Variants in ANXA6 observed in about 807,000 individuals in gnomAD.
ANXA6 encodes annexin A6.
Under a neutral mutation model 95.4 loss-of-function variants are expected in ANXA6, and 71 were observed. The ratio of observed to expected loss-of-function variants is 0.74; its 90% CI spans 0.61 to 0.91. ANXA6 has a LOEUF of 0.91. Among genes scored for constraint, ANXA6 ranks in the 40% least tolerant of loss-of-function variants. The pLI is 0.00. For synonymous variants in ANXA6, 289 were observed against 315.9 expected (o/e 0.91, Z 0.90); for missense variants, 830 against 876.4 (o/e 0.95, Z 0.67).
At chr5:151,116,686 G>A (rs569888189) in intron 20 of ANXA6, among the ~76,000 whole-genome samples, 140 of 152,336 alleles carry the variant, frequency 9.2e-4, no homozygotes, top group Non-Finnish European at 1.7e-3. Flanking sequence ...GCTCGTCCCA[G>A]GACACTCCCT....
chr5:151,104,685 G>A (rs1764646502), intron 24 of ANXA6, among the ~76,000 whole-genome samples: 1 of 152,190 alleles, frequency 6.6e-6, no homozygotes, highest in Admixed American at 6.5e-5. Flanking sequence ...ATCTGCAGTT[G>A]AGACTCCAGT....
chr5:151,133,496 C>T (rs1047563819), intron 8 of ANXA6, among the ~76,000 whole-genome samples: 5 of 152,128 alleles, frequency 3.3e-5, no homozygotes, highest in Non-Finnish European at 7.4e-5. Flanking sequence ...ACCTGTTCAG[C>T]GTGTTATCTT....
At chr5:151,151,727 C>T (rs1172794375) in intron 1 of ANXA6, among the ~76,000 whole-genome samples, 2 of 152,200 alleles carry the variant, frequency 1.3e-5, no homozygotes, top group Admixed American at 1.3e-4. Flanking sequence ...GGAGGGTCAT[C>T]TCCCAGGCCA....
rs368475499 is a variant in ANXA6, at chr5:151,132,241, C to T, written c.736+235G>A. 5.7e-4 allele frequency among the ~76,000 whole-genome samples: 87 copies of T among 152,328 alleles called. 1 individual carries two copies. The highest frequency in any genetic ancestry group is 1.9e-3 in the African/African-American group (81 of 41,576). ...CCCAAGTTCAGAGCTCTTTGTCCCC[C>T]TGCCAGTGGTGGAGAAGGGAGCTGG... On this transcript the variant is annotated intron_variant, in intron 10 of 25. Coordinates refer to ENST00000354546, the MANE Select transcript of ANXA6 (RefSeq NM_001155.5).
At chr5:151,116,119 G>A (rs149311782) in intron 20 of ANXA6, among the ~76,000 whole-genome samples, 2 of 152,328 alleles carry the variant, frequency 1.3e-5, no homozygotes, top group East Asian at 3.9e-4. Flanking sequence ...TCAGGTTCCA[G>A]CTAAAGATTT....
chr5:151,113,909 C>A (rs4346760), intron 20 of ANXA6, among the ~76,000 whole-genome samples: 64,390 of 152,150 alleles, frequency 0.42, 14,700 homozygotes, highest in Admixed American at 0.52. Context: ...GGATAATAGA[C>A]TATTATTTGG....
chr5:151,132,331 G>T, intron 10 of ANXA6, 145 bp downstream of exon 10: 1 of 682,130 alleles, frequency 1.5e-6, no homozygotes, highest in Non-Finnish European at 2.4e-6. Context: ...CTGCCCTGGA[G>T]AAACCTTTAG....
At chr5:151,101,553 C>T in intron 25 of ANXA6, 46 bp from the exon 26 acceptor site, 1 of 1,504,084 alleles carries the variant, frequency 6.6e-7, no homozygotes. Flanking sequence ...TCCTTCCAGT[C>T]TCAATGCCCC....
At chr5:151,129,591 C>A (rs898737058) in intron 11 of ANXA6, 62 bp from the exon 12 acceptor site, 2 of 1,509,052 alleles carry the variant, frequency 1.3e-6, no homozygotes, top group Non-Finnish European at 1.8e-6. Flanking sequence ...CTGATAGCTC[C>A]CAGCTTAGTT....
intron 1 of ANXA6, among the ~76,000 whole-genome samples, chr5:151,149,022 TA>T (rs1213626929): frequency 5.8e-5 from 8 of 137,782 alleles, no homozygotes; most frequent in East Asian, 4.3e-4. Context: ...TAAAAAAAAA[TA>T]AAAAAAAAAT....
At chr5:151,136,779 C>T (rs72790139) in intron 6 of ANXA6, among the ~76,000 whole-genome samples, 5,255 of 152,320 alleles carry the variant, frequency 0.034, 144 homozygotes, top group East Asian at 0.16. Flanking sequence ...AGCCTTGTAC[C>T]GGCTACCAGG....
chr5:151,126,559 CACACACACACACCCCAACACAT>C, intron 13 of ANXA6, 79 bp from the exon 14 acceptor site: 1 of 988,234 alleles, frequency 1.0e-6, no homozygotes, highest in Non-Finnish European at 1.6e-6. Context: ...CACACACACA[CACACACACACACCCCAACACAT>C]ACACACACGT....
rs753017143 is a variant in ANXA6 at position 151,117,747 on chromosome 5, A to T, written c.1518+11T>A. 6.2e-7 allele frequency: 1 copy of T among 1,612,452 alleles called. No homozygotes were observed. Among genetic ancestry groups the T allele is most frequent in the Non-Finnish European group, 8.5e-7 (1 of 1,178,822 alleles). The stretch of plus-strand genomic sequence containing the variant: ...TGGGCAAGCCGACCTGGGGCCCATG[A>T]ATTCACTCACCGTGGCCAGAGAAAT... On this transcript the variant is annotated intron_variant, in intron 19 of 25. Transcript: ENST00000354546.
At chr5:151,107,853 G>C (rs1390724785) in intron 23 of ANXA6, among the ~76,000 whole-genome samples, 1 of 152,180 alleles carries the variant, frequency 6.6e-6, no homozygotes, top group Non-Finnish European at 1.5e-5. Context: ...GAGGGTCTGT[G>C]TGTGTGTCAT....
At chr5:151,131,358 C>G in intron 10 of ANXA6, 69 bp from the exon 11 acceptor site, 1 of 1,516,482 alleles carries the variant, frequency 6.6e-7, no homozygotes. Flanking sequence ...GGCCTGACTC[C>G]CTCTTTGTTT....
intron 1 of ANXA6, among the ~76,000 whole-genome samples, chr5:151,156,066 T>C (rs1014050261): frequency 6.6e-6 from 1 of 152,254 alleles, no homozygotes; most frequent in African/African-American, 2.4e-5. Flanking sequence ...GCTGTGGCCC[T>C]TATCCAGAAA....
chr5:151,109,889 T>C (rs1376086548), intron 21 of ANXA6, 43 bp from the exon 22 acceptor site: 2 of 1,400,136 alleles, frequency 1.4e-6, no homozygotes, highest in Non-Finnish European at 2.0e-6. Flanking sequence ...AGGGGAGACA[T>C]GAGAAAGCCT....
At chr5:151,130,374 C>T (rs190688925) in intron 11 of ANXA6, among the ~76,000 whole-genome samples, 94 of 152,228 alleles carry the variant, frequency 6.2e-4, no homozygotes, top group African/African-American at 2.1e-3. Flanking sequence ...CCTCAGCCTC[C>T]CGAGTAGTTA....
intron 11 of ANXA6, among the ~76,000 whole-genome samples, 154 bp from the exon 12 acceptor site, chr5:151,129,683 T>G (rs1765437777): frequency 6.7e-6 from 1 of 148,392 alleles, no homozygotes; most frequent in Non-Finnish European, 1.5e-5. Flanking sequence ...GCTCTCTCTA[T>G]GCTCCTCTTA....
Sources: gnomAD v4.1 joint callset for allele counts (sites outside exome capture counted in the v4.1 genomes callset) on GRCh38, gnomAD v4.1.1 for gene constraint, MANE v1.5 for transcripts, NCBI Gene and HGNC (gene_info 2026-07-23, HGNC 2026-07-21) for gene names.